The following SORCS2 variants were observed in gnomAD, a reference collection of about 807,000 sequenced individuals.
SORCS2 encodes the protein VPS10 domain-containing receptor SorCS2.
Under a neutral mutation model 141.6 loss-of-function variants are expected in SORCS2, and 100 were observed. That is an observed-to-expected ratio of 0.71 (90% confidence interval 0.60 to 0.83). The LOEUF (loss-of-function observed/expected upper bound fraction) is 0.83. Among genes scored for constraint, SORCS2 ranks in the 40% least tolerant of loss-of-function variants. SORCS2 has a pLI of 0.00. For synonymous variants in SORCS2, 789 were observed against 676.9 expected, an observed-to-expected ratio of 1.17 and a Z score of -2.57; for missense variants, 1,646 against 1,560.2, an observed-to-expected ratio of 1.05 and a Z score of -0.93.
At chr4:7,296,997 G>C (rs1340341176) in intron 1 of SORCS2, among the ~76,000 whole-genome samples, 2 of 152,132 alleles carry the variant, frequency 1.3e-5, no homozygotes, top group South Asian at 4.1e-4. Flanking sequence ...CCGGCCTCTG[G>C]GGATTTGAAC....
At chr4:7,451,359 A>G (rs948044926) in intron 2 of SORCS2, among the ~76,000 whole-genome samples, 7 of 152,250 alleles carry the variant, frequency 4.6e-5, no homozygotes, top group Admixed American at 2.6e-4. Flanking sequence ...AGGCCAAGCC[A>G]CTGCCCTCCC....
At chr4:7,707,801 G>A (rs779950999) in intron 14 of SORCS2, among the ~76,000 whole-genome samples, 2 of 152,214 alleles carry the variant, frequency 1.3e-5, no homozygotes, top group African/African-American at 2.4e-5. Flanking sequence ...ACACAGGGGT[G>A]GAGACAGACG....
chr4:7,714,542 A>T (rs1726058490), intron 16 of SORCS2, among the ~76,000 whole-genome samples, 169 bp downstream of exon 16: 1 of 152,138 alleles, frequency 6.6e-6, no homozygotes. Flanking sequence ...GAACCAAGTC[A>T]CCAAGACCAG....
chr4:7,479,711 C>T (rs1730512428), intron 2 of SORCS2, among the ~76,000 whole-genome samples: 1 of 152,220 alleles, frequency 6.6e-6, no homozygotes, highest in South Asian at 2.1e-4. Context: ...GGTCTTGGGA[C>T]AGGCCCCAGG....
At chr4:7,435,134 C>G (rs114265863) in intron 2 of SORCS2, among the ~76,000 whole-genome samples, 43 of 152,298 alleles carry the variant, frequency 2.8e-4, no homozygotes, top group Admixed American at 7.8e-4. Flanking sequence ...CTAGCTGATA[C>G]GTGAATGAAG....
intron 8 of SORCS2, among the ~76,000 whole-genome samples, chr4:7,671,940 A>AGTTTT (rs1722824698): frequency 7.0e-6 from 1 of 142,520 alleles, no homozygotes; most frequent in Non-Finnish European, 1.5e-5. Context: ...AAAGACAGAA[A>AGTTTT]CTTTTTTTTT....
intron 1 of SORCS2, among the ~76,000 whole-genome samples, chr4:7,269,965 T>A (rs1333805302): frequency 6.6e-6 from 1 of 152,232 alleles, no homozygotes; most frequent in Non-Finnish European, 1.5e-5. Context: ...CTGCAACCTC[T>A]GCCTCCTGGG....
intron 3 of SORCS2, among the ~76,000 whole-genome samples, chr4:7,599,328 T>G (rs576091415): frequency 6.6e-6 from 1 of 152,088 alleles, no homozygotes; most frequent in African/African-American, 2.4e-5. Context: ...GAAGTGGCGG[T>G]GATCCACGTG....
At chr4:7,406,664 TTTTCAA>T (rs1724988875) in intron 2 of SORCS2, among the ~76,000 whole-genome samples, 9 of 152,000 alleles carry the variant, frequency 5.9e-5, no homozygotes, top group African/African-American at 2.2e-4. Flanking sequence ...TTTGTTTATC[TTTTCAA>T]AAGACCAACT....
chr4:7,712,895 A>G (rs770596095), intron 15 of SORCS2, 42 bp downstream of exon 15: 4 of 1,606,064 alleles, frequency 2.5e-6, no homozygotes, highest in Admixed American at 3.3e-5. Flanking sequence ...TGGGGTACAG[A>G]CTGCAAACAC....
At chr4:7,475,801 A>G (rs1730256875) in intron 2 of SORCS2, among the ~76,000 whole-genome samples, 1 of 152,222 alleles carries the variant, frequency 6.6e-6, no homozygotes, top group Non-Finnish European at 1.5e-5. Flanking sequence ...CCTTTGGAAG[A>G]CTGCATGTCC....
At chr4:7,448,682 C>T (rs1367660908) in intron 2 of SORCS2, among the ~76,000 whole-genome samples, 3 of 142,904 alleles carry the variant, frequency 2.1e-5, no homozygotes, top group Non-Finnish European at 4.6e-5. Context: ...TCCTCCTTCC[C>T]TTCCTTCCTC....
intron 3 of SORCS2, among the ~76,000 whole-genome samples, chr4:7,585,010 G>A (rs76664773): frequency 0.018 from 2,771 of 152,278 alleles, 37 homozygotes; most frequent in African/African-American, 0.034. Context: ...TTCTCAACAT[G>A]CACGCCCTGA....
At chr4:7,523,428 C>G (rs60902058) in intron 2 of SORCS2, among the ~76,000 whole-genome samples, 5 of 152,260 alleles carry the variant, frequency 3.3e-5, no homozygotes, top group African/African-American at 1.2e-4. Context: ...TATTGAGTGC[C>G]AGCTGTGTGC....
chr4:7,689,829 G>T (rs1316351627), intron 11 of SORCS2, among the ~76,000 whole-genome samples: 1 of 151,826 alleles, frequency 6.6e-6, no homozygotes, highest in Non-Finnish European at 1.5e-5. Context: ...TGGAAGAGTG[G>T]ATGAATGGAT....
intron 3 of SORCS2, among the ~76,000 whole-genome samples, chr4:7,533,719 A>G (rs572016219): frequency 6.6e-6 from 1 of 152,356 alleles, no homozygotes; most frequent in South Asian, 2.1e-4. Flanking sequence ...AAGGTGTCAC[A>G]TGGAGACTGG....
chr4:7,693,371 T>C (rs78179930), intron 11 of SORCS2, among the ~76,000 whole-genome samples: 4,328 of 152,270 alleles, frequency 0.028, 102 homozygotes, highest in Middle Eastern at 0.058. Flanking sequence ...CCACCACCCC[T>C]TTGCCAAGGC....
At chr4:7,548,650 G>A (rs1488130994) in intron 3 of SORCS2, among the ~76,000 whole-genome samples, 1 of 152,096 alleles carries the variant, frequency 6.6e-6, no homozygotes. Context: ...ATGTGACAGT[G>A]TGCCTCACCG....
chr4:7,378,494 G>C (rs976274931), intron 1 of SORCS2, among the ~76,000 whole-genome samples: 1 of 152,184 alleles, frequency 6.6e-6, no homozygotes, highest in African/African-American at 2.4e-5. Flanking sequence ...AGTGCCAAGC[G>C]AAGGGGGAAG....
Sources: allele counts gnomAD v4.1 joint callset (sites outside exome capture counted in the v4.1 genomes callset), GRCh38; gene constraint gnomAD v4.1.1; transcripts MANE v1.5; gene names NCBI Gene and HGNC (gene_info 2026-07-23, HGNC 2026-07-21).